The following ACSL3 variants were observed in gnomAD, a reference collection of about 807,000 sequenced individuals.
The protein encoded by ACSL3 is fatty acid CoA ligase Acsl3.
In ACSL3, 34 loss-of-function variants were observed where a neutral mutation model predicts 84.7. The observed-to-expected ratio is 0.40, with a 90% CI of 0.31 to 0.53. The LOEUF (loss-of-function observed/expected upper bound fraction) is 0.53. Among genes scored for constraint, ACSL3 ranks in the 20% least tolerant of loss-of-function variants. The pLI is 0.48. For missense variants in ACSL3, 680 were observed against 873.1 expected, an observed-to-expected ratio of 0.78 and a Z score of 2.79; for synonymous variants, 315 against 299.4, an observed-to-expected ratio of 1.05 and a Z score of -0.54.
intron 13 of ACSL3, 116 bp downstream of exon 13, chr2:222,929,052 TG>T: frequency 2.7e-6 from 2 of 736,652 alleles, no homozygotes; most frequent in Non-Finnish European, 4.5e-6. Flanking sequence ...TTTTGTCCTT[TG>T]TGATAGACGT....
At chr2:222,915,817 T>A (rs533664692) in intron 4 of ACSL3, among the ~76,000 whole-genome samples, 31 of 152,232 alleles carry the variant, frequency 2.0e-4, no homozygotes, top group Non-Finnish European at 4.0e-4. Flanking sequence ...AGTTCAGCAA[T>A]CATAAAGATT....
intron 1 of ACSL3, among the ~76,000 whole-genome samples, chr2:222,879,862 T>G (rs750339575): frequency 1.4e-4 from 22 of 152,130 alleles, no homozygotes; most frequent in Admixed American, 2.0e-4. Flanking sequence ...CACTGGAGAC[T>G]GTTTCAGAAT....
At chr2:222,889,839 G>GGAAT (rs1429126591) in intron 2 of ACSL3, among the ~76,000 whole-genome samples, 1 of 152,188 alleles carries the variant, frequency 6.6e-6, no homozygotes, top group Non-Finnish European at 1.5e-5. Flanking sequence ...CAGAGGCCAG[G>GGAAT]GAATGACACA....
intron 1 of ACSL3, among the ~76,000 whole-genome samples, chr2:222,865,749 A>G (rs1201161771): frequency 2.6e-5 from 4 of 152,068 alleles, no homozygotes; most frequent in African/African-American, 9.7e-5. Flanking sequence ...TCCCAGGTCA[A>G]CAGGGAGCCA....
intron 16 of ACSL3, among the ~76,000 whole-genome samples, chr2:222,935,790 C>T (rs901455588): frequency 1.3e-5 from 2 of 152,194 alleles, no homozygotes; most frequent in Admixed American, 1.3e-4. Context: ...AATCTCATAA[C>T]GTTCAATTTA....
intron 1 of ACSL3, among the ~76,000 whole-genome samples, chr2:222,879,244 G>A (rs1479624663): frequency 6.6e-6 from 1 of 152,190 alleles, no homozygotes; most frequent in Non-Finnish European, 1.5e-5. Flanking sequence ...CTGGAACCCA[G>A]GAGGTGGAGA....
rs755095785 is a variant in ACSL3, at chr2:222,933,251, A to G, written c.1818A>G (p.Leu606=). Residue 606 remains leucine, a synonymous_variant, in exon 15 of 17, where the codon CTA becomes CTG. Coordinates refer to ENST00000357430, the MANE Select transcript of ACSL3 (RefSeq NM_004457.5). ...KVEAALKNLP[L]VDNICAYANS... ...AGGCAGCTTTGAAGAATCTTCCACT[A>G]GTAGATAACATTTGTGCATATGCAA... 3.1e-6 allele frequency: 5 copies of G among 1,613,270 alleles called. No homozygotes were observed. The highest frequency in any genetic ancestry group is 4.5e-5 in the East Asian group (2 of 44,852).
chr2:222,873,038 C>G (rs1695346665), intron 1 of ACSL3, among the ~76,000 whole-genome samples: 1 of 152,180 alleles, frequency 6.6e-6, no homozygotes, highest in South Asian at 2.1e-4. Flanking sequence ...AACTTGGAGG[C>G]TTGACTGTGC....
chr2:222,929,299 TTTTTC>T (rs1696961662), intron 13 of ACSL3, among the ~76,000 whole-genome samples: 1 of 44,798 alleles, frequency 2.2e-5, no homozygotes, highest in Admixed American at 2.4e-4. Context: ...TTAAATGATT[TTTTTC>T]TTTTTTTTTC....
chr2:222,890,941 C>T (rs1212427366), intron 2 of ACSL3, among the ~76,000 whole-genome samples: 1 of 152,144 alleles, frequency 6.6e-6, no homozygotes, highest in East Asian at 1.9e-4. Flanking sequence ...TTGTACCTGG[C>T]CGAAAAGAGG....
At chr2:222,862,595 CT>C (rs1367869677) in intron 1 of ACSL3, among the ~76,000 whole-genome samples, 1 of 152,188 alleles carries the variant, frequency 6.6e-6, no homozygotes, top group Admixed American at 6.5e-5. Flanking sequence ...TTTGCACAGA[CT>C]TGATTTTGTT....
intron 1 of ACSL3, among the ~76,000 whole-genome samples, chr2:222,872,080 G>A (rs1695318300): frequency 6.6e-6 from 1 of 152,044 alleles, no homozygotes. Context: ...TTAGAATACA[G>A]GTGTGCCTAA....
At chr2:222,880,234 T>C (rs1272436018) in intron 1 of ACSL3, among the ~76,000 whole-genome samples, 4 of 152,198 alleles carry the variant, frequency 2.6e-5, no homozygotes, top group Non-Finnish European at 5.9e-5. Context: ...AATTAATATA[T>C]CACATAAGCA....
At chr2:222,871,953 C>T (rs1302626697) in intron 1 of ACSL3, among the ~76,000 whole-genome samples, 1 of 150,284 alleles carries the variant, frequency 6.7e-6, no homozygotes, top group Non-Finnish European at 1.5e-5. Context: ...TTGTGGCATT[C>T]CCCCCCACCC....
rs555100440 is a variant in ACSL3 at position 222,936,615 on chromosome 2, C to CA, written c.2005+1928_2005+1929insA. Among the ~76,000 whole-genome samples, 9 of 145,490 alleles carry CA rather than the reference C, an allele frequency of 6.2e-5. No individual in the cohort carries two copies. The South Asian group carries it at 2.1e-3, about 34-fold the overall frequency. On this transcript the variant is annotated intron_variant, in intron 16 of 16. Coordinates refer to ENST00000357430, the MANE Select transcript of ACSL3 (RefSeq NM_004457.5). ...AATCAGAATTCTGCACCCTCCCCCC[C>CA]CACCCCACCCCCGTAGTTAAGTTGT...
chr2:222,892,912 T>C (rs1251098030), intron 2 of ACSL3, among the ~76,000 whole-genome samples: 3 of 152,210 alleles, frequency 2.0e-5, no homozygotes, highest in Non-Finnish European at 4.4e-5. Flanking sequence ...ATTGCAAGCT[T>C]GGTGAAAAAT....
chr2:222,892,673 C>T (rs1199101055), intron 2 of ACSL3, among the ~76,000 whole-genome samples: 1 of 151,956 alleles, frequency 6.6e-6, no homozygotes, highest in African/African-American at 2.4e-5. Flanking sequence ...TTTTTTCTCC[C>T]CAACAATAAG....
At chr2:222,882,704 G>T (rs1695618932) in intron 1 of ACSL3, among the ~76,000 whole-genome samples, 3 of 150,724 alleles carry the variant, frequency 2.0e-5, no homozygotes, top group Non-Finnish European at 4.4e-5. Flanking sequence ...GAGAATTCCT[G>T]CCTTACAGGA....
At chr2:222,861,636 C>T (rs1315896795) in intron 1 of ACSL3, 3 of 152,204 alleles carry the variant, frequency 2.0e-5, no homozygotes, top group Admixed American at 1.3e-4. Flanking sequence ...CTGCCGCGGC[C>T]CCAGCAGTGC....
Sources: allele counts gnomAD v4.1 joint callset (sites outside exome capture counted in the v4.1 genomes callset), GRCh38; gene constraint gnomAD v4.1.1; transcripts MANE v1.5; gene names NCBI Gene and HGNC (gene_info 2026-07-23, HGNC 2026-07-21).